Variants in REPIN1 observed in about 807,000 individuals in gnomAD.
The protein encoded by REPIN1 is replication initiator 1.
Under a neutral mutation model 5.7 loss-of-function variants are expected in REPIN1, and 4 were observed. The observed-to-expected ratio is 0.71, with a 90% CI of 0.35 to 1.62. The LOEUF (loss-of-function observed/expected upper bound fraction) is 1.62. Among genes scored for constraint, REPIN1 ranks in the 40% most tolerant of loss-of-function variants. The pLI is 0.05. For synonymous variants in REPIN1, 410 were observed against 386.2 expected, an observed-to-expected ratio of 1.06 and a Z score of -0.72; for missense variants, 854 against 901.0, an observed-to-expected ratio of 0.95 and a Z score of 0.67.
At position 150,371,455 on chromosome 7, in the gene REPIN1, C is replaced by A. The variant is rs754380206; in HGVS notation, c.385C>A (p.Leu129Met). The A allele has an allele frequency of 6.2e-7, 1 of 1,605,790 alleles. No individual in the cohort carries two copies. The highest frequency in any genetic ancestry group is 8.5e-7 in the Non-Finnish European group (1 of 1,178,676). Residue 129 changes from leucine (L) to methionine (M), a missense_variant, in exon 3 of 3, where the codon CTG (leucine) becomes ATG (methionine). By Grantham distance (15) the Leu-to-Met change is conservative. This residue lies in a region of REPIN1 where 409 missense variants were observed against 418.6 expected (regional missense o/e 0.98). Coordinates refer to ENST00000489432, the MANE Select transcript of REPIN1 (RefSeq NM_001099695.2). ...CRRHFPGWVA[L>M]WLHTRRCQAR... Reference sequence around the variant, plus strand: ...AAGGCACTTCCCTGGCTGGGTGGCTCTGTGGCTTCACACCCGCCGGTGCCA... The same window carrying A: ...AAGGCACTTCCCTGGCTGGGTGGCTATGTGGCTTCACACCCGCCGGTGCCA...
upstream of REPIN1, among the ~76,000 whole-genome samples, chr7:150,368,491 G>A (rs1310294309): frequency 6.6e-6 from 1 of 152,084 alleles, no homozygotes; most frequent in Admixed American, 6.5e-5. Flanking sequence ...CGAACACCCC[G>A]GTGACCATAG....
rs1487662388 is a variant in REPIN1 at position 150,372,666 on chromosome 7, G to T, written c.1596G>T (p.Ala532=). 3.7e-6 allele frequency: 6 copies of T among 1,611,346 alleles called. No homozygotes were observed. ...CCTTCCGCCACAAACCCTACCTGGCGGCGCACCGGCGCATCCACACCGGCG... is the reference window on the plus strand; with the variant it reads ...CCTTCCGCCACAAACCCTACCTGGCTGCGCACCGGCGCATCCACACCGGCG... ...GKAFRHKPYL[A]AHRRIHTGEK... The change falls in exon 3 of 3, where the codon GCG becomes GCT. Residue 532 remains alanine (A), a synonymous_variant. Transcript: ENST00000489432.
intron 2 of REPIN1, 74 bp from the exon 3 acceptor site, chr7:150,371,154 G>T: frequency 6.8e-7 from 1 of 1,460,838 alleles, no homozygotes; most frequent in Non-Finnish European, 9.1e-7. Flanking sequence ...TCCTGTCCGG[G>T]GCTGAGGTTG....
Position 150,372,305 on chromosome 7 carries a change from C to A in REPIN1, c.1235C>A (p.Pro412Gln), listed in dbSNP as rs1799896364. 6.6e-7 allele frequency: 1 copy of A among 1,520,776 alleles called. No individual in the cohort carries two copies. Among genetic ancestry groups the A allele is most frequent in the South Asian group, 1.2e-5 (1 of 82,302 alleles). 94.2% of individuals were successfully genotyped at this position (1,520,776 alleles called of 1,614,324 possible). Reference sequence around the variant, plus strand: ...GTACCTCTGAAACCGGCCCAGGAGCCGCCGCCAGGGGCCCCGCCAGAGCAC... The same window carrying A: ...GTACCTCTGAAACCGGCCCAGGAGCAGCCGCCAGGGGCCCCGCCAGAGCAC... ...PAVPLKPAQE[P>Q]PPGAPPEHPQ... The change falls in exon 3 of 3, where the codon CCG (proline) becomes CAG (glutamine). Residue 412 changes from proline (P) to glutamine (Q), a missense_variant. Pro to Gln is a moderately conservative substitution (Grantham distance 76). Around this residue, in one of 5 missense-constraint regions of REPIN1, gnomAD observed 327 missense variants for 307.8 expected, o/e 1.06. Transcript: ENST00000489432.
At position 150,372,821 on chromosome 7, in the gene REPIN1, A is replaced by T; in HGVS notation, c.1751A>T (p.Lys584Met). Residue 584 changes from lysine to methionine, a missense_variant, in exon 3 of 3, where the codon AAG (lysine) becomes ATG (methionine). Lys to Met is a moderately conservative substitution (Grantham distance 95). Transcript: ENST00000489432. ...GACTGCGACCGCAGCTTCAGCCAGA[A>T]GTCCAACCTCATCACCCACCGCAAG... ...CPDCDRSFSQ[K>M]SNLITHRKSH... 1 of 1,612,626 alleles carries T rather than the reference A, an allele frequency of 6.2e-7. No individual in the cohort carries two copies. Among genetic ancestry groups the T allele is most frequent in the African/African-American group, 1.3e-5 (1 of 75,080 alleles).
At chr7:150,370,901 GA>G in intron 2 of REPIN1, 1 of 699,594 alleles carries the variant, frequency 1.4e-6, no homozygotes, top group Non-Finnish European at 2.6e-6. Context: ...CCTGTGGCAG[GA>G]ATGTTTGTGC....
chr7:150,372,473 A>C lies in REPIN1; in HGVS notation c.1403A>C (p.Asn468Thr), dbSNP rs868492299. The change falls in exon 3 of 3, where the codon AAC becomes ACC. Residue 468 changes from asparagine (N) to threonine (T), a missense_variant. Transcript: ENST00000489432. ...RPFTCAECGKNFGKKTHLVAH... is the reference protein window; with the variant it reads ...RPFTCAECGKTFGKKTHLVAH... Reference sequence around the variant, plus strand: ...TTCACCTGCGCCGAGTGCGGGAAGAACTTCGGCAAGAAGACGCACCTGGTG... The same window carrying C: ...TTCACCTGCGCCGAGTGCGGGAAGACCTTCGGCAAGAAGACGCACCTGGTG... The C allele has an allele frequency of 6.5e-7, 1 of 1,541,378 alleles. No individual in the cohort carries two copies. The highest frequency in any genetic ancestry group is 8.7e-7 in the Non-Finnish European group (1 of 1,149,878).
chr7:150,373,850 C>T lies in REPIN1; in HGVS notation c.*905C>T, dbSNP rs1364859501. On this transcript the variant is annotated 3_prime_UTR_variant, in exon 3 of 3. Coordinates refer to ENST00000489432, the MANE Select transcript of REPIN1 (RefSeq NM_001099695.2). ...TGAGCACTTAGGTGACAGGAACTTC[C>T]GCACCTCCTGAGGCCCTGGATGATT... 6.0e-6 allele frequency: 1 copy of T among 167,038 alleles called. No homozygotes were observed. The highest frequency in any genetic ancestry group is 1.5e-5 in the Non-Finnish European group (1 of 68,110). The allele number at this position is 167,038 out of a possible 1,614,324, so 10.3% of individuals were successfully genotyped here. A position where few individuals can be genotyped will look rare whatever the true frequency, so the allele number is the denominator to read the frequency against.
intron 2 of REPIN1, 57 bp from the exon 3 acceptor site, chr7:150,371,171 G>C: frequency 6.7e-7 from 1 of 1,485,606 alleles, no homozygotes; most frequent in Non-Finnish European, 9.0e-7. Flanking sequence ...GTTGGGAGGG[G>C]AGAAACAGGG....
In REPIN1 at chr7:150,372,199, TCGGCCCAGGCCGCCCC is replaced by T. The variant is rs1267339742; in HGVS notation, c.1136_1151del (p.Gln379ArgfsTer23). ...CAAGATTCACAAGCGATCCGAGGGG[TCGGCCCAGGCCGCCCC>T]CGGCCCGGGGAGCCCCCAGCTGCCA... On this transcript the variant is annotated frameshift_variant, in exon 3 of 3. Transcript: ENST00000489432. LOFTEE classifies it low-confidence loss of function (END_TRUNC). 6.3e-7 allele frequency: 1 copy of T among 1,592,946 alleles called. No individual in the cohort carries two copies. The highest frequency in any genetic ancestry group is 8.5e-7 in the Non-Finnish European group (1 of 1,174,096).
chr7:150,369,161 C>T (rs1799211117), intron 1 of REPIN1: 2 of 354,266 alleles, frequency 5.6e-6, no homozygotes, highest in Non-Finnish European at 1.0e-5. Context: ...ACCCGTGTGC[C>T]CGGGAGCGTG....
rs1799899512 is a variant in REPIN1, at chr7:150,372,314, GGGCCCCGCCAGA to G, written c.1246_1257del (p.Ala416_Glu419del). 1.5e-6 allele frequency: 2 copies of G among 1,333,318 alleles called. No homozygotes were observed. Among genetic ancestry groups the G allele is most frequent in the African/African-American group, 5.5e-5 (2 of 36,568 alleles). The allele number at this position is 1,333,318 out of a possible 1,614,324, so 82.6% of individuals were successfully genotyped here. On this transcript the variant is annotated inframe_deletion, in exon 3 of 3. Coordinates refer to ENST00000489432, the MANE Select transcript of REPIN1 (RefSeq NM_001099695.2). Reference sequence around the variant, plus strand: ...AAACCGGCCCAGGAGCCGCCGCCAGGGGCCCCGCCAGAGCACCCGCAGGACCCGATCGAAGCC... The same window carrying G: ...AAACCGGCCCAGGAGCCGCCGCCAGGGCACCCGCAGGACCCGATCGAAGCC...
Position 150,372,306 on chromosome 7 carries a change from G to C in REPIN1, c.1236G>C (p.Pro412=). The C allele has an allele frequency of 6.6e-7, 1 of 1,520,454 alleles. No homozygotes were observed. The highest frequency in any genetic ancestry group is 8.8e-7 in the Non-Finnish European group (1 of 1,141,272). The allele number at this position is 1,520,454 out of a possible 1,614,324, so 94.2% of individuals were successfully genotyped here. The change falls in exon 3 of 3, where the codon CCG becomes CCC. Residue 412 remains proline, a synonymous_variant. Transcript: ENST00000489432. ...TACCTCTGAAACCGGCCCAGGAGCC[G>C]CCGCCAGGGGCCCCGCCAGAGCACC... ...PAVPLKPAQE[P]PPGAPPEHPQ...
chr7:150,373,307 C>T lies in REPIN1; in HGVS notation c.*362C>T, dbSNP rs1800091813. Reference sequence around the variant, plus strand: ...ATCCTCTGGTATTAACGCCTTAATGCCCCTGTCTTTTACTGTAAGTTACTT... The same window carrying T: ...ATCCTCTGGTATTAACGCCTTAATGTCCCTGTCTTTTACTGTAAGTTACTT... On this transcript the variant is annotated 3_prime_UTR_variant, in exon 3 of 3. Coordinates refer to ENST00000489432, the MANE Select transcript of REPIN1 (RefSeq NM_001099695.2). 3.4e-6 allele frequency: 1 copy of T among 296,432 alleles called. No individual in the cohort carries two copies. Among genetic ancestry groups the T allele is most frequent in the Admixed American group, 4.8e-5 (1 of 20,906 alleles). 18.4% of individuals were successfully genotyped at this position (296,432 alleles called of 1,614,324 possible). A position where few individuals can be genotyped will look rare whatever the true frequency, so the allele number is the denominator to read the frequency against.
rs747063154 is a variant in REPIN1, at chr7:150,371,698, C to A, written c.628C>A (p.Arg210Ser). 4 of 1,606,412 alleles carry A rather than the reference C, an allele frequency of 2.5e-6. No individual in the cohort carries two copies. The African/African-American group carries it at 5.3e-5, about 21-fold the overall frequency. Residue 210 changes from arginine to serine, a missense_variant, in exon 3 of 3, where the codon CGC (arginine) becomes AGC (serine). By Grantham distance (110) the Arg-to-Ser change is moderately radical. This residue lies in a region of REPIN1 where 409 missense variants were observed against 418.6 expected (regional missense o/e 0.98). Coordinates refer to ENST00000489432, the MANE Select transcript of REPIN1 (RefSeq NM_001099695.2). The part of the protein sequence containing the change: ...RPIACPKCER[R>S]FWRRKQLRAH... ...CATCGCTTGTCCCAAATGCGAGAGA[C>A]GCTTCTGGCGACGAAAGCAGCTTCG...
chr7:150,373,183 C>T lies in REPIN1; in HGVS notation c.*238C>T. The T allele has an allele frequency of 1.6e-6, 1 of 621,518 alleles. No individual in the cohort carries two copies. The highest frequency in any genetic ancestry group is 2.9e-6 in the Non-Finnish European group (1 of 349,948). The allele number at this position is 621,518 out of a possible 1,614,324, so 38.5% of individuals were successfully genotyped here. A position where few individuals can be genotyped will look rare whatever the true frequency, so the allele number is the denominator to read the frequency against. On this transcript the variant is annotated 3_prime_UTR_variant, in exon 3 of 3. Transcript: ENST00000489432. The stretch of plus-strand genomic sequence containing the variant: ...GGCCTCCAGCTGGTGTGTGCTAAGG[C>T]TCCGTCCTGACTGCCCTGTGCCCTG...
intron 2 of REPIN1, chr7:150,370,364 C>G: frequency 3.6e-6 from 1 of 277,562 alleles, no homozygotes; most frequent in Non-Finnish European, 7.0e-6. Flanking sequence ...GCCTTCCTTC[C>G]TGCAATGTCC....
At chr7:150,368,987 G>A (rs994491651) in intron 1 of REPIN1, 46 bp downstream of exon 1, 18 of 372,704 alleles carry the variant, frequency 4.8e-5, no homozygotes, top group East Asian at 3.1e-4. Flanking sequence ...CCCGCGGGGG[G>A]CCGCTCCACC....
intron 1 of REPIN1, 143 bp downstream of exon 1, chr7:150,369,084 A>G (rs1454923989): frequency 1.1e-5 from 4 of 356,894 alleles, no homozygotes; most frequent in Non-Finnish European, 2.0e-5. Context: ...GGGGGAGCGC[A>G]CCTGCGCACA....
Sources: allele counts gnomAD v4.1 joint callset (sites outside exome capture counted in the v4.1 genomes callset), GRCh38; gene constraint gnomAD v4.1.1; regional missense constraint gnomAD v4.1.1; transcripts MANE v1.5; gene names NCBI Gene and HGNC (gene_info 2026-07-23, HGNC 2026-07-21).